Variants in ZFHX3 observed in about 807,000 individuals in gnomAD.
ZFHX3 encodes the protein zinc finger homeobox 3.
Under a neutral mutation model 279.1 loss-of-function variants are expected in ZFHX3, and 42 were observed. The observed-to-expected ratio is 0.15, with a 90% CI of 0.12 to 0.19. The LOEUF (loss-of-function observed/expected upper bound fraction) is 0.19, where lower values mean the gene tolerates loss of function less well. Among genes scored for constraint, ZFHX3 ranks in the 10% least tolerant of loss-of-function variants. The probability of loss-of-function intolerance (pLI) is 1.00; values close to 1 mark genes in which losing one functional copy is unlikely to be tolerated. For missense variants in ZFHX3, 4,981 were observed against 4,754.0 expected (o/e 1.05, Z -1.40); for synonymous variants, 2,293 against 1,957.8 (o/e 1.17, Z -4.52).
chr16:73,884,920 T>C (rs1392197604), intron 1 of ZFHX3, among the ~76,000 whole-genome samples: 2 of 152,220 alleles, frequency 1.3e-5, no homozygotes, highest in Admixed American at 6.5e-5. Context: ...ATCAGCATAA[T>C]ACACATTACC....
chr16:73,654,056 C>G (rs1210787387), intron 2 of ZFHX3, among the ~76,000 whole-genome samples: 1 of 151,166 alleles, frequency 6.6e-6, no homozygotes, highest in African/African-American at 2.4e-5. Flanking sequence ...TGGTGGCGGG[C>G]GCCTGTAGTC....
At chr16:72,951,199 T>G (rs1960978853) in intron 2 of ZFHX3, among the ~76,000 whole-genome samples, 1 of 152,234 alleles carries the variant, frequency 6.6e-6, no homozygotes. Flanking sequence ...GTTTTGTATT[T>G]TCTTTCTTTA....
intron 1 of ZFHX3, among the ~76,000 whole-genome samples, chr16:73,805,337 T>A (rs1960250283): frequency 1.3e-5 from 2 of 152,012 alleles, no homozygotes; most frequent in Non-Finnish European, 2.9e-5. Flanking sequence ...CCTGGCTAAT[T>A]TTTGTATTTT....
At chr16:73,694,007 G>A (rs2053172503) in intron 1 of ZFHX3, among the ~76,000 whole-genome samples, 1 of 141,006 alleles carries the variant, frequency 7.1e-6, no homozygotes, top group Admixed American at 7.7e-5. Flanking sequence ...AAACATGATG[G>A]GGTGTTTCGT....
At chr16:73,272,632 G>T (rs2014178187) in intron 4 of ZFHX3, among the ~76,000 whole-genome samples, 2 of 152,164 alleles carry the variant, frequency 1.3e-5, no homozygotes, top group Non-Finnish European at 2.9e-5. Context: ...CCAACAGTGA[G>T]GTTGGAGAAA....
At chr16:73,209,267 A>G (rs2011919575) in intron 5 of ZFHX3, among the ~76,000 whole-genome samples, 1 of 152,214 alleles carries the variant, frequency 6.6e-6, no homozygotes, top group South Asian at 2.1e-4. Context: ...AATAAAAATA[A>G]TTTAGGAGAG....
At chr16:73,562,776 T>C (rs1334220713) in intron 2 of ZFHX3, among the ~76,000 whole-genome samples, 1 of 151,556 alleles carries the variant, frequency 6.6e-6, no homozygotes, top group Non-Finnish European at 1.5e-5. Flanking sequence ...GCAAATCAAA[T>C]GTCCCCATGT....
intron 4 of ZFHX3, among the ~76,000 whole-genome samples, chr16:72,877,081 C>T (rs1478365804): frequency 6.6e-6 from 1 of 152,238 alleles, no homozygotes; most frequent in African/African-American, 2.4e-5. Flanking sequence ...AGTCTACATT[C>T]CTGATTAAAG....
At chr16:73,340,867 CTAACT>C (rs2016018777) in intron 3 of ZFHX3, among the ~76,000 whole-genome samples, 4 of 152,118 alleles carry the variant, frequency 2.6e-5, no homozygotes. Flanking sequence ...GAAATGACTT[CTAACT>C]TGAGTCAATA....
At chr16:73,748,827 G>T (rs28495896) in intron 1 of ZFHX3, among the ~76,000 whole-genome samples, 1 of 151,558 alleles carries the variant, frequency 6.6e-6, no homozygotes, top group East Asian at 1.9e-4. Flanking sequence ...TGCTCTTGTC[G>T]CCCAGGCTGG....
intron 1 of ZFHX3, among the ~76,000 whole-genome samples, chr16:73,731,758 A>AT (rs1195533885): frequency 2.6e-5 from 4 of 152,048 alleles, no homozygotes; most frequent in African/African-American, 4.8e-5. Context: ...ACCAAACAAG[A>AT]TTTTTTTTAA....
At chr16:73,848,637 A>T (rs1190306813) in intron 1 of ZFHX3, among the ~76,000 whole-genome samples, 6 of 152,206 alleles carry the variant, frequency 3.9e-5, no homozygotes, top group African/African-American at 1.4e-4. Context: ...GAATTTTTTT[A>T]AATCACAGGT....
chr16:73,569,269 T>C (rs1186714738), intron 2 of ZFHX3, among the ~76,000 whole-genome samples: 2 of 152,170 alleles, frequency 1.3e-5, no homozygotes, highest in Admixed American at 1.3e-4. Context: ...TTCCGTGGGC[T>C]GTGGATCCTA....
intron 2 of ZFHX3, among the ~76,000 whole-genome samples, chr16:73,473,596 C>T (rs766723529): frequency 2.0e-5 from 3 of 152,100 alleles, no homozygotes; most frequent in Non-Finnish European, 4.4e-5. Context: ...TGACTTATTC[C>T]GTGGAATTGG....
intron 2 of ZFHX3, among the ~76,000 whole-genome samples, chr16:72,956,353 G>C (rs1027042644): frequency 6.6e-6 from 1 of 152,172 alleles, no homozygotes; most frequent in South Asian, 2.1e-4. Context: ...CTGGTCCCAC[G>C]AAGTCCATTA....
In ZFHX3 at chr16:72,886,038, C is replaced by G. The variant is rs1597346215; in HGVS notation, c.3448+3693G>C. On this transcript the variant is annotated intron_variant, in intron 4 of 9. Transcript: ENST00000268489. ...GTTGATCATCTTAAACATCTCAATT[C>G]TACCAGGTCCATAATGTCCGTTCTC... Among the ~76,000 whole-genome samples the G allele has an allele frequency of 2.0e-5, 3 of 152,176 alleles. No homozygotes were observed. In the South Asian group the frequency reaches 6.2e-4, roughly 32 times the overall value.
At chr16:73,606,395 A>C (rs1175309201) in intron 2 of ZFHX3, among the ~76,000 whole-genome samples, 1 of 151,038 alleles carries the variant, frequency 6.6e-6, no homozygotes, top group East Asian at 2.0e-4. Flanking sequence ...CTGAGGCAGG[A>C]GAATCTCCTG....
In ZFHX3 at chr16:73,491,603, T is replaced by C. The variant is rs146091256; in HGVS notation, c.-1546-35345A>G. 4.1e-3 allele frequency among the ~76,000 whole-genome samples: 619 copies of C among 152,344 alleles called. 4 individuals carry two copies. Among genetic ancestry groups the C allele is most frequent in the South Asian group, 0.018 (87 of 4,828 alleles). On this transcript the variant is annotated intron_variant, in intron 2 of 17. Coordinates refer to the ZFHX3 transcript ENST00000641206. ...TTTACATGGGTAGCACTGAGTCTCATTGGCTGGCAAAGTGGCACAGGTGTA... is the reference window on the plus strand; with the variant it reads ...TTTACATGGGTAGCACTGAGTCTCACTGGCTGGCAAAGTGGCACAGGTGTA...
At chr16:72,844,560 C>G (rs573298215) in intron 4 of ZFHX3, among the ~76,000 whole-genome samples, 2 of 152,066 alleles carry the variant, frequency 1.3e-5, no homozygotes, top group South Asian at 4.2e-4. Flanking sequence ...CACACTGGGG[C>G]TCAGGAGTGG....
Sources: gnomAD v4.1 joint callset for allele counts (sites outside exome capture counted in the v4.1 genomes callset) on GRCh38, gnomAD v4.1.1 for gene constraint, MANE v1.5 for transcripts, NCBI Gene and HGNC (gene_info 2026-07-23, HGNC 2026-07-21) for gene names.